FCHSD2: variants seen among roughly 807,000 people sequenced by gnomAD.
FCHSD2 encodes the protein FCH and double SH3 domains 2.
A neutral mutation model predicts 108.1 loss-of-function variants in FCHSD2; 38 were observed. That is an observed-to-expected ratio of 0.35 (90% CI 0.27 to 0.46). The LOEUF (loss-of-function observed/expected upper bound fraction) is 0.46. Ranked by LOEUF, FCHSD2 falls within the 20% of genes least tolerant of loss-of-function variation. The pLI is 1.00. For synonymous variants in FCHSD2, 279 were observed against 314.7 expected (o/e 0.89, Z 1.20); for missense variants, 751 against 897.8 (o/e 0.84, Z 2.09).
intron 3 of FCHSD2, among the ~76,000 whole-genome samples, chr11:73,029,949 GC>G (rs1257647015): frequency 6.6e-6 from 1 of 152,004 alleles, no homozygotes; most frequent in African/African-American, 2.4e-5. Flanking sequence ...AAACAAACTA[GC>G]AAAACCTCAG....
intron 9 of FCHSD2, among the ~76,000 whole-genome samples, chr11:72,915,376 C>T (rs946921897): frequency 5.3e-5 from 8 of 152,136 alleles, no homozygotes; most frequent in African/African-American, 1.9e-4. Flanking sequence ...AACCATTTGA[C>T]CCAGCAATCC....
At chr11:72,987,059 T>C (rs1372632099) in intron 6 of FCHSD2, among the ~76,000 whole-genome samples, 2 of 152,174 alleles carry the variant, frequency 1.3e-5, no homozygotes, top group Non-Finnish European at 2.9e-5. Flanking sequence ...TTCACCCCAG[T>C]GTTTCCCAGG....
At chr11:72,861,658 G>A (rs555795310) in intron 13 of FCHSD2, among the ~76,000 whole-genome samples, 2 of 152,100 alleles carry the variant, frequency 1.3e-5, no homozygotes, top group Non-Finnish European at 2.9e-5. Flanking sequence ...GGCCGGGCGC[G>A]CTGGCTCATG....
intron 8 of FCHSD2, among the ~76,000 whole-genome samples, chr11:72,972,985 A>G (rs1857035445): frequency 6.6e-6 from 1 of 152,362 alleles, no homozygotes. Flanking sequence ...TCTCTAGCAC[A>G]AGTGAGCCAG....
At chr11:73,101,693 TC>T (rs1449906461) in intron 2 of FCHSD2, among the ~76,000 whole-genome samples, 1 of 151,786 alleles carries the variant, frequency 6.6e-6, no homozygotes, top group Non-Finnish European at 1.5e-5. Flanking sequence ...CACTTTGGCC[TC>T]CCAAAGTGCT....
intron 8 of FCHSD2, among the ~76,000 whole-genome samples, chr11:72,962,218 T>C (rs1353585039): frequency 6.6e-6 from 1 of 152,184 alleles, no homozygotes; most frequent in African/African-American, 2.4e-5. Flanking sequence ...TAAGACATTG[T>C]CTGCCCTTTT....
At position 72,950,838 on chromosome 11, in the gene FCHSD2, T is replaced by C. The variant is rs575510812; in HGVS notation, c.706-28888A>G. 2.6e-5 allele frequency among the ~76,000 whole-genome samples: 4 copies of C among 152,342 alleles called. No homozygotes were observed. In the South Asian group the frequency reaches 8.3e-4, roughly 32 times the overall value. ...TTGTTGTCCGCCAAATGTTATCCCT[T>C]TCTTCCTGGGCACATGCTGTGGGAC... On this transcript the variant is annotated intron_variant, in intron 8 of 19. Transcript: ENST00000409418.
chr11:73,030,986 C>T (rs752120641), intron 3 of FCHSD2, among the ~76,000 whole-genome samples: 1 of 151,850 alleles, frequency 6.6e-6, no homozygotes, highest in African/African-American at 2.4e-5. Flanking sequence ...CATACACATA[C>T]ACACACACAT....
At chr11:72,910,327 G>A (rs888981519) in intron 9 of FCHSD2, among the ~76,000 whole-genome samples, 4 of 152,216 alleles carry the variant, frequency 2.6e-5, no homozygotes, top group East Asian at 1.9e-4. Context: ...CAACAGCTCC[G>A]AAGAGACAGC....
In FCHSD2 at chr11:73,089,586, G is replaced by C. The variant is rs117374082; in HGVS notation, c.120-5846C>G. 9.2e-3 allele frequency among the ~76,000 whole-genome samples: 1,407 copies of C among 152,256 alleles called. 10 individuals are homozygous for C. The highest frequency in any genetic ancestry group is 0.015 in the Non-Finnish European group (1,007 of 68,022). ...CAAGATGTGGTATATTTATATAATG[G>C]AATGTTATTCAGCCATAAGAAAGAA... On this transcript the variant is annotated intron_variant, in intron 2 of 19. Transcript: ENST00000409418.
intron 3 of FCHSD2, among the ~76,000 whole-genome samples, chr11:73,022,705 T>C (rs542403930): frequency 6.6e-6 from 1 of 152,080 alleles, no homozygotes; most frequent in Non-Finnish European, 1.5e-5. Flanking sequence ...CAATCAATAG[T>C]CCAGAAAGAT....
chr11:72,907,979 C>A (rs1482179261), intron 9 of FCHSD2, among the ~76,000 whole-genome samples: 2 of 152,132 alleles, frequency 1.3e-5, no homozygotes, highest in African/African-American at 4.8e-5. Flanking sequence ...TTCATTCTAT[C>A]TAACTATATT....
chr11:73,087,525 T>C (rs1349346647), intron 2 of FCHSD2, among the ~76,000 whole-genome samples: 1 of 151,822 alleles, frequency 6.6e-6, no homozygotes, highest in Non-Finnish European at 1.5e-5. Flanking sequence ...GCCAACATGG[T>C]GAAACCCCAT....
chr11:72,937,484 A>G (rs1856327215), intron 8 of FCHSD2, among the ~76,000 whole-genome samples: 1 of 152,176 alleles, frequency 6.6e-6, no homozygotes, highest in South Asian at 2.1e-4. Flanking sequence ...TTACATTGAC[A>G]TTTTAGGAAA....
Position 73,002,926 on chromosome 11 carries a change from G to A in FCHSD2, c.243-1792C>T, listed in dbSNP as rs567158451. Among the ~76,000 whole-genome samples, 339 of 152,234 alleles carry A rather than the reference G, an allele frequency of 2.2e-3. 1 individual carries two copies. The highest frequency in any genetic ancestry group is 7.8e-3 in the African/African-American group (322 of 41,524). ...TCACTATAGTGAAAGCTCCATGAAG[G>A]CAGGGGTGTATGTCTTGCTATTGCA... On this transcript the variant is annotated intron_variant, in intron 4 of 19. Transcript: ENST00000409418.
intron 8 of FCHSD2, among the ~76,000 whole-genome samples, chr11:72,931,038 C>T (rs554813415): frequency 6.6e-6 from 1 of 151,464 alleles, no homozygotes; most frequent in East Asian, 1.9e-4. Flanking sequence ...CAAAACATCT[C>T]ATGTGCCTCA....
At chr11:72,931,085 A>T (rs540570757) in intron 8 of FCHSD2, among the ~76,000 whole-genome samples, 6 of 129,100 alleles carry the variant, frequency 4.6e-5, no homozygotes, top group Non-Finnish European at 9.5e-5. Context: ...CTATATACCC[A>T]CAATAATTAA....
intron 2 of FCHSD2, among the ~76,000 whole-genome samples, chr11:73,106,789 T>C (rs537343867): frequency 6.6e-6 from 1 of 152,300 alleles, no homozygotes; most frequent in East Asian, 1.9e-4. Flanking sequence ...CTGGACAGGT[T>C]TGTAGCCTAG....
chr11:72,969,450 G>A (rs1373359495), intron 8 of FCHSD2, among the ~76,000 whole-genome samples: 1 of 152,134 alleles, frequency 6.6e-6, no homozygotes, highest in Non-Finnish European at 1.5e-5. Flanking sequence ...ACACTGAGAG[G>A]GACAGAGACA....
Sources: gnomAD v4.1 joint callset for allele counts (sites outside exome capture counted in the v4.1 genomes callset) on GRCh38, gnomAD v4.1.1 for gene constraint, MANE v1.5 for transcripts, NCBI Gene and HGNC (gene_info 2026-07-23, HGNC 2026-07-21) for gene names.